Variants in TMEM184B observed in about 807,000 individuals in gnomAD.
TMEM184B encodes the protein putative MAPK-activating protein FM08.
Under a neutral mutation model 41.8 loss-of-function variants are expected in TMEM184B, and 17 were observed. The observed-to-expected ratio is 0.41, with a 90% CI of 0.28 to 0.61. TMEM184B has a LOEUF of 0.61. TMEM184B is among the 20% of genes least tolerant of loss of function. TMEM184B has a pLI of 0.34. For missense variants in TMEM184B, 393 were observed against 557.8 expected, an observed-to-expected ratio of 0.70 and a Z score of 2.98; for synonymous variants, 240 against 229.5, an observed-to-expected ratio of 1.05 and a Z score of -0.41.
intron 1 of TMEM184B, among the ~76,000 whole-genome samples, chr22:38,249,213 AATCTC>A (rs2092108402): frequency 6.6e-6 from 1 of 152,158 alleles, no homozygotes; most frequent in African/African-American, 2.4e-5. Context: ...GCAATGGTGC[AATCTC>A]GGCTCCCTGC....
intron 8 of TMEM184B, chr22:38,222,730 GAAGAC>G: frequency 1.0e-6 from 1 of 984,598 alleles, no homozygotes; most frequent in Non-Finnish European, 1.2e-6. Context: ...AAGAAATAGA[GAAGAC>G]AAGAGACAGC....
At chr22:38,235,104 G>A (rs949380473) in intron 3 of TMEM184B, among the ~76,000 whole-genome samples, 1 of 152,206 alleles carries the variant, frequency 6.6e-6, no homozygotes, top group Non-Finnish European at 1.5e-5. Context: ...CATCAACACT[G>A]AAGGAAGGAA....
chr22:38,248,087 A>G lies in TMEM184B; in HGVS notation c.-58-68T>C. On this transcript the variant is annotated intron_variant, in intron 1 of 8. Transcript: ENST00000361906. ...GTGGCAGCATTGGAAAGAATCTTCC[A>G]GGTCTCTCCACCCACCTCCTGACCA... 3.4e-6 allele frequency: 5 copies of G among 1,455,618 alleles called. No homozygotes were observed. The East Asian group carries it at 1.2e-4, about 36-fold the overall frequency. 90.2% of individuals were successfully genotyped at this position (1,455,618 alleles called of 1,614,324 possible).
chr22:38,230,188 G>A (rs1182157538), intron 5 of TMEM184B, among the ~76,000 whole-genome samples: 2 of 150,140 alleles, frequency 1.3e-5, no homozygotes, highest in Non-Finnish European at 3.0e-5. Flanking sequence ...CGGCTGGACT[G>A]CCAAGGCTAC....
downstream of TMEM184B, among the ~76,000 whole-genome samples, chr22:38,218,850 G>A (rs150514123): frequency 1.4e-3 from 220 of 152,336 alleles, 2 homozygotes; most frequent in African/African-American, 4.6e-3. Context: ...CGGTACCAGA[G>A]AGGCCAGGCA....
intron 1 of TMEM184B, among the ~76,000 whole-genome samples, chr22:38,255,315 C>T (rs1027674572): frequency 6.7e-6 from 1 of 148,168 alleles, no homozygotes; most frequent in African/African-American, 2.5e-5. Context: ...TGAGCCACCG[C>T]ACCCGGCCTC....
chr22:38,230,100 G>A (rs1454941083), intron 5 of TMEM184B, among the ~76,000 whole-genome samples: 8 of 39,760 alleles, frequency 2.0e-4, no homozygotes, highest in East Asian at 7.2e-4. Context: ...ACCACAGGGA[G>A]GTCAGCCCAG....
Position 38,265,742 on chromosome 22 carries a change from C to T in TMEM184B, c.-59+7142G>A, listed in dbSNP as rs537038164. Among the ~76,000 whole-genome samples, 211 of 152,334 alleles carry T rather than the reference C, an allele frequency of 1.4e-3. 1 individual carries two copies. Among genetic ancestry groups the T allele is most frequent in the African/African-American group, 4.9e-3 (205 of 41,562 alleles). On this transcript the variant is annotated intron_variant, in intron 1 of 8. Coordinates refer to ENST00000361906, the MANE Select transcript of TMEM184B (RefSeq NM_012264.5). ...TTCACCAACATCTATCATTGTGCCTCGCAGGCACCCAAACTGACTGCTGAT... is the reference window on the plus strand; with the variant it reads ...TTCACCAACATCTATCATTGTGCCTTGCAGGCACCCAAACTGACTGCTGAT...
rs753256330 is a variant in TMEM184B, at chr22:38,247,861, G to A, written c.101C>T (p.Ala34Val). The change falls in exon 2 of 9, where the codon GCC becomes GTC. Residue 34 changes from alanine to valine, a missense_variant. Ala to Val is a moderately conservative substitution (Grantham distance 64). Around this residue, in one of 2 missense-constraint regions of TMEM184B, gnomAD observed 122 missense variants for 123.7 expected, o/e 0.99. Transcript: ENST00000361906. ...CATCAGGAACACAGGCTGCTCCATG[G>A]CAGTGGGGCTGCCCTCGGGGATCAC... is the stretch of plus-strand genomic sequence containing the variant. Reference protein sequence around the residue: ...VSVIPEGSPTAMEQPVFLMTT... With the variant: ...VSVIPEGSPTVMEQPVFLMTT... 24 of 1,613,376 alleles carry A rather than the reference G, an allele frequency of 1.5e-5. No homozygotes were observed. Among genetic ancestry groups the A allele is most frequent in the Non-Finnish European group, 1.6e-5 (19 of 1,179,890 alleles).
At chr22:38,269,967 T>C (rs1360346370) in intron 1 of TMEM184B, among the ~76,000 whole-genome samples, 1 of 152,162 alleles carries the variant, frequency 6.6e-6, no homozygotes, top group African/African-American at 2.4e-5. Context: ...ATGGTAATAC[T>C]GCCCCATAAC....
Position 38,226,938 on chromosome 22 carries a change from T to G in TMEM184B, c.526-68A>C. The G allele has an allele frequency of 6.8e-7, 1 of 1,476,870 alleles. No homozygotes were observed. Among genetic ancestry groups the G allele is most frequent in the Non-Finnish European group, 9.3e-7 (1 of 1,080,742 alleles). 91.5% of individuals were successfully genotyped at this position (1,476,870 alleles called of 1,614,324 possible). On this transcript the variant is annotated intron_variant, in intron 5 of 8. Transcript: ENST00000361906. The surrounding 1 kb of genome is among the most constrained non-coding windows in gnomAD (Gnocchi z 4.6). ...GAAGGCATGAAGCAAGCCCTGCCTC[T>G]GGCAGACGGAACTGTACCGGATGGA... is the stretch of plus-strand genomic sequence containing the variant.
chr22:38,220,815 A>T lies in TMEM184B; in HGVS notation c.*654T>A. The T allele has an allele frequency of 1.0e-6, 1 of 986,114 alleles. No individual in the cohort carries two copies. Among genetic ancestry groups the T allele is most frequent in the Non-Finnish European group, 1.2e-6 (1 of 830,140 alleles). The allele number at this position is 986,114 out of a possible 1,614,324, so 61.1% of individuals were successfully genotyped here. ...AGGTGGGGATACCCAGGGGCCCAGAAGCCCCTGCTTCAACAGAAGCGGTGC... is the reference window on the plus strand; with the variant it reads ...AGGTGGGGATACCCAGGGGCCCAGATGCCCCTGCTTCAACAGAAGCGGTGC... On this transcript the variant is annotated 3_prime_UTR_variant, in exon 9 of 9. Coordinates refer to ENST00000361906, the MANE Select transcript of TMEM184B (RefSeq NM_012264.5).
intron 5 of TMEM184B, among the ~76,000 whole-genome samples, chr22:38,228,812 C>T (rs2091527775): frequency 6.6e-6 from 1 of 152,134 alleles, no homozygotes; most frequent in South Asian, 2.1e-4. Flanking sequence ...CATCTGAGCC[C>T]ACAGGGCTGG....
intron 8 of TMEM184B, chr22:38,222,805 T>G: frequency 1.3e-6 from 1 of 741,422 alleles, no homozygotes; most frequent in Non-Finnish European, 1.6e-6. Context: ...ACACACCCTG[T>G]CCCCACCCCC....
intron 1 of TMEM184B, among the ~76,000 whole-genome samples, chr22:38,257,466 A>G (rs1221133206): frequency 6.6e-6 from 1 of 152,150 alleles, no homozygotes; most frequent in African/African-American, 2.4e-5. Context: ...TGTCCCAGAC[A>G]GGATCTTTTG....
chr22:38,227,292 G>A (rs1406612961), intron 5 of TMEM184B, among the ~76,000 whole-genome samples: 1 of 152,124 alleles, frequency 6.6e-6, no homozygotes, highest in Non-Finnish European at 1.5e-5. Flanking sequence ...GTGGGTGCCG[G>A]AGATGAGAGG....
chr22:38,260,138 G>A (rs545189213), intron 1 of TMEM184B, among the ~76,000 whole-genome samples: 1 of 152,248 alleles, frequency 6.6e-6, no homozygotes, highest in South Asian at 2.1e-4. Context: ...TTGAACTCCT[G>A]ACCTTGTGTT....
intron 3 of TMEM184B, among the ~76,000 whole-genome samples, chr22:38,238,230 T>C (rs1209011520): frequency 2.1e-5 from 3 of 146,284 alleles, no homozygotes; most frequent in Admixed American, 1.3e-4. Flanking sequence ...TCAACTTCTT[T>C]TTTTTTTTTT....
intron 3 of TMEM184B, among the ~76,000 whole-genome samples, chr22:38,241,583 G>C (rs1330956256): frequency 6.6e-6 from 1 of 150,398 alleles, no homozygotes; most frequent in Non-Finnish European, 1.5e-5. Flanking sequence ...GTGTCTGTCA[G>C]AACAAGACCT....
Sources: allele counts gnomAD v4.1 joint callset (sites outside exome capture counted in the v4.1 genomes callset), GRCh38; gene constraint gnomAD v4.1.1; regional missense constraint gnomAD v4.1.1; non-coding constraint Gnocchi (gnomAD v3.1); transcripts MANE v1.5; gene names NCBI Gene and HGNC (gene_info 2026-07-23, HGNC 2026-07-21).